Variants in GARNL3 observed in about 807,000 individuals in gnomAD.
GARNL3 encodes the protein GTPase-activating Rap/Ran-GAP domain-like protein 3.
Under a neutral mutation model 125.0 loss-of-function variants are expected in GARNL3, and 63 were observed. That is an observed-to-expected ratio of 0.50 (90% confidence interval 0.41 to 0.62). GARNL3 has a LOEUF of 0.62. GARNL3 is among the 20% of genes least tolerant of loss of function. The probability of loss-of-function intolerance (pLI) is 0.00; values close to 1 mark genes in which losing one functional copy is unlikely to be tolerated. For missense variants in GARNL3, 994 were observed against 1,244.0 expected (o/e 0.80, Z 3.02); for synonymous variants, 439 against 457.5 (o/e 0.96, Z 0.52).
chr9:127,342,305 C>T lies in GARNL3; in HGVS notation c.1222C>T (p.His408Tyr). The change falls in exon 14 of 28, where the codon CAC becomes TAC. Residue 408 changes from histidine to tyrosine, a missense_variant. Coordinates refer to ENST00000373387, the MANE Select transcript of GARNL3 (RefSeq NM_032293.5). ...RTLDMLIRSL[H>Y]QDLMPDLHKN... ...CCTGGATATGTTGATTAGATCTTTA[C>T]ACCAGGATTTGATGCCAGATTTGCA... 3.1e-6 allele frequency: 5 copies of T among 1,612,710 alleles called. No individual in the cohort carries two copies. The highest frequency in any genetic ancestry group is 4.2e-6 in the Non-Finnish European group (5 of 1,178,692).
chr9:127,376,199 A>T (rs999092449), intron 22 of GARNL3, among the ~76,000 whole-genome samples: 1 of 151,974 alleles, frequency 6.6e-6, no homozygotes, highest in Non-Finnish European at 1.5e-5. Flanking sequence ...ACCTCAAGTG[A>T]TCCACCTGCC....
rs117761615 is a variant in GARNL3, at chr9:127,231,765, C to T, written c.-29+7427C>T. Reference sequence around the variant, plus strand: ...GTCGGAATCTGTGGAATGGGGCTAACGAAACTGAGTCAGATTGCTAATACA... The same window carrying T: ...GTCGGAATCTGTGGAATGGGGCTAATGAAACTGAGTCAGATTGCTAATACA... On this transcript the variant is annotated intron_variant, in intron 1 of 10. Transcript: ENST00000439286. Among the ~76,000 whole-genome samples the T allele has an allele frequency of 1.8e-3, 270 of 152,270 alleles. 4 individuals carry two copies. In the East Asian group the frequency reaches 0.044, roughly 25 times the overall value.
intron 5 of GARNL3, 143 bp downstream of exon 5, chr9:127,318,270 C>T (rs1023323954): frequency 1.6e-5 from 11 of 675,402 alleles, no homozygotes; most frequent in South Asian, 5.0e-5. Flanking sequence ...CTTGACATGA[C>T]GTGCATCACC....
At chr9:127,246,448 A>G (rs1328602496) in intron 2 of GARNL3, among the ~76,000 whole-genome samples, 1 of 152,174 alleles carries the variant, frequency 6.6e-6, no homozygotes, top group Non-Finnish European at 1.5e-5. Flanking sequence ...GTTGTCATTA[A>G]TAAGAGGGCA....
intron 2 of GARNL3, among the ~76,000 whole-genome samples, chr9:127,301,298 T>C (rs1467101647): frequency 1.3e-5 from 2 of 152,240 alleles, no homozygotes; most frequent in Non-Finnish European, 2.9e-5. Context: ...ATCCCCTTTC[T>C]TGCTGTAGAC....
intron 1 of GARNL3, among the ~76,000 whole-genome samples, chr9:127,265,479 T>C (rs1329187845): frequency 1.3e-5 from 2 of 152,206 alleles, no homozygotes; most frequent in Non-Finnish European, 2.9e-5. Context: ...ATTAAAAGCA[T>C]ATTGGTTGGA....
At position 127,384,139 on chromosome 9, in the gene GARNL3, T is replaced by A. The variant is rs1222753937; in HGVS notation, c.2269+594T>A. ...TTAATAGGTCCACAGGACAGCATTT[T>A]GAGAGGAAGGCAGAGGGACCAACCT... On this transcript the variant is annotated intron_variant, in intron 23 of 27. Coordinates refer to ENST00000373387, the MANE Select transcript of GARNL3 (RefSeq NM_032293.5). This position sits in a 1 kb window ranked among gnomAD's most constrained non-coding sequence, Gnocchi z 4.0. 6.6e-6 allele frequency among the ~76,000 whole-genome samples: 1 copy of A among 152,194 alleles called. No homozygotes were observed. Among genetic ancestry groups the A allele is most frequent in the Non-Finnish European group, 1.5e-5 (1 of 68,042 alleles).
At position 127,353,878 on chromosome 9, in the gene GARNL3, A is replaced by G; in HGVS notation, c.1576A>G (p.Thr526Ala). The change falls in exon 18 of 28, where the codon ACT becomes GCT. Residue 526 changes from threonine to alanine, a missense_variant. By Grantham distance (58) the Thr-to-Ala change is moderately conservative (BLOSUM62 0). Coordinates refer to ENST00000373387, the MANE Select transcript of GARNL3 (RefSeq NM_032293.5). ...TCCATCAGTGCCCGTGTTTGACAGA[A>G]CTCTGCCAGTGAAGCAAATGCATGT... ...DLPSVPVFDR[T>A]LPVKQMHVLE... 6.2e-7 allele frequency: 1 copy of G among 1,613,620 alleles called. No homozygotes were observed. Among genetic ancestry groups the G allele is most frequent in the Non-Finnish European group, 8.5e-7 (1 of 1,179,724 alleles).
In GARNL3 at chr9:127,385,799, T is replaced by G. The variant is rs980962368; in HGVS notation, c.2388+654T>G. On this transcript the variant is annotated intron_variant, in intron 24 of 27. Coordinates refer to ENST00000373387, the MANE Select transcript of GARNL3 (RefSeq NM_032293.5). This position sits in a 1 kb window ranked among gnomAD's most constrained non-coding sequence, Gnocchi z 4.1. ...TCCATCACATTTGGTGGTAGGTGAC[T>G]GCCTATTTGTTCATCTTTGCTGCTG... is the stretch of plus-strand genomic sequence containing the variant. 1.3e-5 allele frequency among the ~76,000 whole-genome samples: 2 copies of G among 152,204 alleles called. No homozygotes were observed. The highest frequency in any genetic ancestry group is 4.8e-5 in the African/African-American group (2 of 41,466).
intron 7 of GARNL3, among the ~76,000 whole-genome samples, chr9:127,326,727 G>A (rs936333873): frequency 2.0e-5 from 3 of 152,292 alleles, no homozygotes; most frequent in African/African-American, 7.2e-5. Context: ...GGTGGTATTA[G>A]GAGGTGGGGC....
chr9:127,333,953 G>A (rs1829407322), intron 9 of GARNL3, among the ~76,000 whole-genome samples: 1 of 152,178 alleles, frequency 6.6e-6, no homozygotes. Context: ...CAGAGGCTGT[G>A]GCAACAGTCC....
chr9:127,245,570 C>A (rs1374856673), intron 2 of GARNL3: 1 of 152,218 alleles, frequency 6.6e-6, no homozygotes, highest in African/African-American at 2.4e-5. Context: ...GGACTTGAAA[C>A]CAAATTGCAA....
chr9:127,234,545 A>C (rs950438044), intron 1 of GARNL3, among the ~76,000 whole-genome samples: 10 of 152,246 alleles, frequency 6.6e-5, no homozygotes, highest in Non-Finnish European at 1.2e-4. Context: ...ATCTTAGAGG[A>C]CAGTAAGCAA....
At chr9:127,270,065 T>C (rs916698317) in intron 1 of GARNL3, among the ~76,000 whole-genome samples, 2 of 152,248 alleles carry the variant, frequency 1.3e-5, no homozygotes, top group Non-Finnish European at 2.9e-5. Flanking sequence ...TTTATGGTTT[T>C]AGCTGTCTTT....
At chr9:127,371,607 G>A (rs1402486524) in intron 22 of GARNL3, among the ~76,000 whole-genome samples, 3 of 152,118 alleles carry the variant, frequency 2.0e-5, no homozygotes, top group Admixed American at 2.0e-4. Flanking sequence ...ATTTTATGTA[G>A]AATATAAAAT....
At chr9:127,377,293 A>T (rs894932594) in intron 22 of GARNL3, among the ~76,000 whole-genome samples, 1 of 152,084 alleles carries the variant, frequency 6.6e-6, no homozygotes, top group Non-Finnish European at 1.5e-5. Flanking sequence ...AAATCTGTAG[A>T]GACATGATGA....
At chr9:127,310,941 A>C (rs913659518) in intron 2 of GARNL3, among the ~76,000 whole-genome samples, 1 of 152,182 alleles carries the variant, frequency 6.6e-6, no homozygotes. Flanking sequence ...CAACATGCAT[A>C]CCCTTTGACA....
At chr9:127,355,206 C>A in intron 19 of GARNL3, 91 bp from the exon 20 acceptor site, 1 of 987,546 alleles carries the variant, frequency 1.0e-6, no homozygotes. Flanking sequence ...TGCTTAATTT[C>A]CAGGGTTCCT....
At chr9:127,342,917 G>T (rs1400382291) in intron 14 of GARNL3, among the ~76,000 whole-genome samples, 4 of 115,164 alleles carry the variant, frequency 3.5e-5, no homozygotes, top group African/African-American at 1.3e-4. Flanking sequence ...TTTTTTTGGA[G>T]ACAGAGCTTC....
Sources: allele counts gnomAD v4.1 joint callset (sites outside exome capture counted in the v4.1 genomes callset), GRCh38; gene constraint gnomAD v4.1.1; non-coding constraint Gnocchi (gnomAD v3.1); transcripts MANE v1.5; gene names NCBI Gene and HGNC (gene_info 2026-07-23, HGNC 2026-07-21).